TMEM156: variants seen among roughly 807,000 people sequenced by gnomAD.
TMEM156 encodes the protein transmembrane protein 156.
In TMEM156, 28 loss-of-function variants were observed where a neutral mutation model predicts 30.5. The ratio of observed to expected loss-of-function variants is 0.92; its 90% CI spans 0.68 to 1.26. The LOEUF is 1.26. Ranked by LOEUF, TMEM156 falls within the 50% of genes most tolerant of loss-of-function variation. TMEM156 has a pLI of 0.00. For synonymous variants in TMEM156, 137 were observed against 119.9 expected (o/e 1.14, Z -0.93); for missense variants, 351 against 340.6 (o/e 1.03, Z -0.24).
At chr4:38,969,017 G>A (rs1722472860) in intron 6 of TMEM156, among the ~76,000 whole-genome samples, 2 of 152,162 alleles carry the variant, frequency 1.3e-5, no homozygotes, top group Non-Finnish European at 2.9e-5. Context: ...AATTTATGGG[G>A]TACCTGTTAA....
chr4:38,975,427 A>G (rs1484890176), intron 5 of TMEM156, among the ~76,000 whole-genome samples: 2 of 144,500 alleles, frequency 1.4e-5, no homozygotes, highest in African/African-American at 5.2e-5. Context: ...TTTTCACCCA[A>G]GCTGGAGTGC....
Position 39,005,983 on chromosome 4 carries a change from C to T in TMEM156, c.89-7074G>A, listed in dbSNP as rs546802407. Reference sequence around the variant, plus strand: ...CGATCTCGGCTCACTGCAACCTCTGCCTCCCGGGTTCAAGCGATTCTCCTG... The same window carrying T: ...CGATCTCGGCTCACTGCAACCTCTGTCTCCCGGGTTCAAGCGATTCTCCTG... On this transcript the variant is annotated intron_variant, in intron 1 of 6. Coordinates refer to ENST00000381938, the MANE Select transcript of TMEM156 (RefSeq NM_024943.3). 1.4e-4 allele frequency among the ~76,000 whole-genome samples: 21 copies of T among 152,192 alleles called. 1 individual carries two copies. In the South Asian group the frequency reaches 2.3e-3, roughly 17 times the overall value.
chr4:39,006,039 G>T (rs1713709699), intron 1 of TMEM156, among the ~76,000 whole-genome samples: 1 of 152,094 alleles, frequency 6.6e-6, no homozygotes, highest in African/African-American at 2.4e-5. Context: ...GGGATTACAG[G>T]CATCTGCCGC....
intron 4 of TMEM156, among the ~76,000 whole-genome samples, chr4:38,986,930 A>G (rs1712049077): frequency 6.7e-6 from 1 of 149,224 alleles, no homozygotes. Flanking sequence ...AGAATATTCA[A>G]TGTATGTTTA....
In TMEM156 at chr4:38,991,257, T is replaced by C. The variant is rs561984138; in HGVS notation, c.620-2287A>G. 2.8e-5 allele frequency among the ~76,000 whole-genome samples: 4 copies of C among 143,142 alleles called. No individual in the cohort carries two copies. In the East Asian group the frequency reaches 8.5e-4, roughly 30 times the overall value. The allele number at this position is 143,142 out of a possible 152,430, so 93.9% of individuals were successfully genotyped here. On this transcript the variant is annotated intron_variant, in intron 3 of 6. Coordinates refer to ENST00000381938, the MANE Select transcript of TMEM156 (RefSeq NM_024943.3). The stretch of plus-strand genomic sequence containing the variant: ...TTTTTTTTTTGAGACAGTGTTTCAC[T>C]CTGTTACCCAGGCTGGAGTGCAGTG...
At chr4:38,988,641 C>T (rs1712179619) in intron 4 of TMEM156, among the ~76,000 whole-genome samples, 1 of 118,776 alleles carries the variant, frequency 8.4e-6, no homozygotes, top group South Asian at 2.9e-4. Context: ...CCCAGTCTTT[C>T]TTCTTCTCTT....
At chr4:39,027,116 T>C (rs1205499441) in intron 1 of TMEM156, among the ~76,000 whole-genome samples, 1 of 152,196 alleles carries the variant, frequency 6.6e-6, no homozygotes, top group Non-Finnish European at 1.5e-5. Flanking sequence ...AAAATATATG[T>C]CAAAGTACTT....
intron 5 of TMEM156, among the ~76,000 whole-genome samples, chr4:38,985,689 C>G (rs1316695809): frequency 6.6e-6 from 1 of 152,128 alleles, no homozygotes; most frequent in Non-Finnish European, 1.5e-5. Flanking sequence ...GTGGTTTTCA[C>G]GGTCAAGGAT....
chr4:38,975,372 C>G (rs934295278), intron 5 of TMEM156, among the ~76,000 whole-genome samples: 1 of 139,602 alleles, frequency 7.2e-6, no homozygotes, highest in South Asian at 2.3e-4. Flanking sequence ...TTTTTCTTTT[C>G]TTTTTTCTTT....
intron 1 of TMEM156, among the ~76,000 whole-genome samples, chr4:39,031,352 T>C (rs578118001): frequency 6.6e-6 from 1 of 152,344 alleles, no homozygotes; most frequent in South Asian, 2.1e-4. Context: ...TTCTGAAACG[T>C]TCACAAAGTT....
At chr4:38,976,810 A>C (rs1271312273) in intron 5 of TMEM156, among the ~76,000 whole-genome samples, 4 of 152,260 alleles carry the variant, frequency 2.6e-5, no homozygotes, top group African/African-American at 9.6e-5. Context: ...ATTCTGACGC[A>C]CATTAAAGCT....
intron 1 of TMEM156, among the ~76,000 whole-genome samples, chr4:39,008,328 C>A (rs1158961359): frequency 6.6e-6 from 1 of 151,990 alleles, no homozygotes; most frequent in South Asian, 2.1e-4. Flanking sequence ...ATTATAAGGG[C>A]TATTGAATAT....
intron 4 of TMEM156, among the ~76,000 whole-genome samples, chr4:38,988,156 C>A (rs1425414293): frequency 6.6e-6 from 1 of 152,180 alleles, no homozygotes; most frequent in East Asian, 1.9e-4. Flanking sequence ...CTGATACCCC[C>A]ATGCTTATTA....
At chr4:38,980,203 A>AT (rs1261756882) in intron 5 of TMEM156, among the ~76,000 whole-genome samples, 8 of 152,020 alleles carry the variant, frequency 5.3e-5, no homozygotes, top group Non-Finnish European at 1.0e-4. Context: ...AAAAAAAAAA[A>AT]AATCTTGAAC....
rs1489971561 is a variant in TMEM156 at position 38,970,999 on chromosome 4, TGAA to T, written c.*38+30_*38+32del. 11 of 1,360,694 alleles carry T rather than the reference TGAA, an allele frequency of 8.1e-6. No individual in the cohort carries two copies. In the African/African-American group the frequency reaches 1.4e-4, roughly 18 times the overall value. The allele number at this position is 1,360,694 out of a possible 1,614,324, so 84.3% of individuals were successfully genotyped here. A position where few individuals can be genotyped will look rare whatever the true frequency, so the allele number is the denominator to read the frequency against. ...TCCTTGAATTTATCTGTGTTTATAA[TGAA>T]GAAGTCGATAAAGCCGAATCATCAC... On this transcript the variant is annotated intron_variant, in intron 6 of 6. Transcript: ENST00000381938.
rs190724007 is a variant in TMEM156 at position 39,032,340 on chromosome 4, C to T, written c.-27G>A. 36 of 1,408,254 alleles carry T rather than the reference C, an allele frequency of 2.6e-5. No homozygotes were observed. The African/African-American group carries it at 5.1e-4, about 20-fold the overall frequency. 87.2% of individuals were successfully genotyped at this position (1,408,254 alleles called of 1,614,324 possible). A position where few individuals can be genotyped will look rare whatever the true frequency, so the allele number is the denominator to read the frequency against. ...TCTCTTCACATGACACAAATGTGTT[C>T]CCTTGCAGTACATTCATGGTATGTT... On this transcript the variant is annotated 5_prime_UTR_variant, in exon 1 of 7. Transcript: ENST00000381938.
At chr4:38,990,830 G>GTTTTTTTTTTTTGTTTTTTTTTTGTTT (rs1560365255) in intron 3 of TMEM156, among the ~76,000 whole-genome samples, 1 of 81,216 alleles carries the variant, frequency 1.2e-5, no homozygotes, top group African/African-American at 4.6e-5. Context: ...TTGTTTTCTG[G>GTTTTTTTTTTTTGTTTTTTTTTTGTTT]TTTTTTTTTT....
intron 1 of TMEM156, among the ~76,000 whole-genome samples, chr4:39,029,885 T>A (rs887703286): frequency 6.6e-6 from 1 of 152,020 alleles, no homozygotes; most frequent in Non-Finnish European, 1.5e-5. Context: ...TTATTATTAT[T>A]TTATTATTAT....
At chr4:39,027,673 A>G (rs1715286039) in intron 1 of TMEM156, among the ~76,000 whole-genome samples, 1 of 149,614 alleles carries the variant, frequency 6.7e-6, no homozygotes, top group Non-Finnish European at 1.5e-5. Flanking sequence ...CTCCTGCCTC[A>G]GCCTCCAGAG....
Sources: allele counts gnomAD v4.1 joint callset (sites outside exome capture counted in the v4.1 genomes callset), GRCh38; gene constraint gnomAD v4.1.1; transcripts MANE v1.5; gene names NCBI Gene and HGNC (gene_info 2026-07-23, HGNC 2026-07-21).